The following MYLK variants were observed in gnomAD, a reference collection of about 807,000 sequenced individuals.
MYLK encodes myosin light chain kinase, smooth muscle.
Under a neutral mutation model 203.4 loss-of-function variants are expected in MYLK, and 106 were observed. The observed-to-expected ratio is 0.52, with a 90% CI of 0.45 to 0.61. The LOEUF (loss-of-function observed/expected upper bound fraction) is 0.61. Ranked by LOEUF, MYLK falls within the 20% of genes least tolerant of loss-of-function variation. The pLI is 0.00. For synonymous variants in MYLK, 867 were observed against 959.5 expected (o/e 0.90, Z 1.78); for missense variants, 2,072 against 2,442.3 (o/e 0.85, Z 3.20).
intron 2 of MYLK, among the ~76,000 whole-genome samples, chr3:123,855,279 T>A (rs1039260406): frequency 1.3e-5 from 2 of 152,300 alleles, no homozygotes; most frequent in Non-Finnish European, 2.9e-5. Context: ...TCTTTCATGT[T>A]TTTGACATCT....
chr3:123,790,486 C>CTCG (rs1271790942), intron 4 of MYLK, among the ~76,000 whole-genome samples: 1 of 152,194 alleles, frequency 6.6e-6, no homozygotes, highest in Non-Finnish European at 1.5e-5. Flanking sequence ...AGATGAGCAT[C>CTCG]TCGTCGTTTG....
chr3:123,645,213 A>G (rs2058974019), intron 27 of MYLK, among the ~76,000 whole-genome samples: 1 of 152,232 alleles, frequency 6.6e-6, no homozygotes, highest in Admixed American at 6.5e-5. Flanking sequence ...ACATTTATGG[A>G]TAATAAAACT....
intron 11 of MYLK, among the ~76,000 whole-genome samples, chr3:123,727,205 G>A (rs989870900): frequency 5.9e-5 from 9 of 152,312 alleles, no homozygotes; most frequent in African/African-American, 2.2e-4. Flanking sequence ...GGGGAGGATA[G>A]GCGATGGGAG....
intron 2 of MYLK, among the ~76,000 whole-genome samples, chr3:123,849,636 T>C (rs1164868603): frequency 3.9e-5 from 6 of 152,206 alleles, no homozygotes; most frequent in Admixed American, 1.3e-4. Flanking sequence ...GAAACTGCTA[T>C]AGCAGGCTGG....
intron 4 of MYLK, among the ~76,000 whole-genome samples, chr3:123,791,777 A>G (rs950827272): frequency 6.6e-6 from 1 of 152,250 alleles, no homozygotes; most frequent in African/African-American, 2.4e-5. Context: ...CATTTTAAGA[A>G]TACTGCAGTC....
At chr3:123,732,732 T>G (rs958327171) in intron 11 of MYLK, among the ~76,000 whole-genome samples, 164 bp downstream of exon 11, 1 of 152,200 alleles carries the variant, frequency 6.6e-6, no homozygotes, top group Non-Finnish European at 1.5e-5. Context: ...ATCACTGGCC[T>G]AGAGCAACAC....
chr3:123,761,374 T>A (rs888366180), intron 4 of MYLK, among the ~76,000 whole-genome samples: 12 of 152,292 alleles, frequency 7.9e-5, no homozygotes, highest in African/African-American at 2.6e-4. Context: ...CTGCTCCACG[T>A]TGGGTCAGAA....
In MYLK at chr3:123,666,204, C is replaced by G. The variant is rs765824071; in HGVS notation, c.3831+15G>C. On this transcript the variant is annotated intron_variant, in intron 22 of 33. Coordinates refer to ENST00000360304, the MANE Select transcript of MYLK (RefSeq NM_053025.4). ...TTCCCAGCACCCCCAGTGCCCACCC[C>G]ATACCGTCACTGACCTGCTTTCGGA... is the stretch of plus-strand genomic sequence containing the variant. 6.2e-7 allele frequency: 1 copy of G among 1,614,212 alleles called. No individual in the cohort carries two copies. Among genetic ancestry groups the G allele is most frequent in the South Asian group, 1.1e-5 (1 of 91,088 alleles).
At chr3:123,734,519 G>A (rs905614991) in intron 9 of MYLK, 34 of 335,368 alleles carry the variant, frequency 1.0e-4, no homozygotes, top group Admixed American at 6.1e-4. Flanking sequence ...CCGGTGTCCC[G>A]TGTCCACTCT....
At chr3:123,882,008 C>G (rs1409871218) in intron 1 of MYLK, among the ~76,000 whole-genome samples, 1 of 152,212 alleles carries the variant, frequency 6.6e-6, no homozygotes, top group African/African-American at 2.4e-5. Context: ...GTGGGGCCAC[C>G]TGGCCTTACC....
At position 123,737,410 on chromosome 3, in the gene MYLK, T is replaced by C; in HGVS notation, c.722A>G (p.Lys241Arg). The part of the protein sequence containing the change: ...YTCLVVNGSG[K>R]ASMSAELSIQ... ...GGAAAGTTCAGCTGACATCGAGGCC[T>C]TCCCCGACCCGTTCACCACCAGGCA... Residue 241 changes from lysine to arginine, a missense_variant, in exon 8 of 34, where the codon AAG (lysine) becomes AGG (arginine). Coordinates refer to ENST00000360304, the MANE Select transcript of MYLK (RefSeq NM_053025.4). 2 of 1,614,136 alleles carry C rather than the reference T, an allele frequency of 1.2e-6. No homozygotes were observed. The highest frequency in any genetic ancestry group is 2.2e-5 in the South Asian group (2 of 91,062).
chr3:123,686,173 A>C (rs2060447863), intron 19 of MYLK, among the ~76,000 whole-genome samples: 1 of 152,202 alleles, frequency 6.6e-6, no homozygotes, highest in Admixed American at 6.5e-5. Context: ...TCATTTTGTG[A>C]TGAAATTAAA....
intron 20 of MYLK, among the ~76,000 whole-genome samples, chr3:123,679,621 C>G (rs2060194420): frequency 6.6e-6 from 1 of 152,156 alleles, no homozygotes; most frequent in Non-Finnish European, 1.5e-5. Context: ...CTTTCAGGAG[C>G]AAGATGTCTG....
chr3:123,634,505 G>A (rs890891271), intron 29 of MYLK, among the ~76,000 whole-genome samples: 6 of 152,142 alleles, frequency 3.9e-5, no homozygotes, highest in East Asian at 1.9e-4. Context: ...GGCATCTCCC[G>A]ACCACACACC....
At chr3:123,846,496 T>A (rs945605852) in intron 2 of MYLK, among the ~76,000 whole-genome samples, 7 of 152,220 alleles carry the variant, frequency 4.6e-5, no homozygotes, top group African/African-American at 1.7e-4. Context: ...AAATTTGGAC[T>A]GTTTCCCATT....
At chr3:123,810,207 C>A (rs1476559713) in intron 3 of MYLK, among the ~76,000 whole-genome samples, 5 of 152,202 alleles carry the variant, frequency 3.3e-5, no homozygotes, top group Non-Finnish European at 7.3e-5. Flanking sequence ...GACATAAGTG[C>A]TGTAGGTGAA....
chr3:123,649,896 G>A (rs910565107), intron 24 of MYLK, among the ~76,000 whole-genome samples: 1 of 152,164 alleles, frequency 6.6e-6, no homozygotes, highest in Non-Finnish European at 1.5e-5. Flanking sequence ...TTTGAGTTGC[G>A]TCTTACAGGA....
chr3:123,815,208 T>G (rs1256048525), intron 3 of MYLK, among the ~76,000 whole-genome samples: 3 of 152,190 alleles, frequency 2.0e-5, no homozygotes, highest in African/African-American at 7.2e-5. Flanking sequence ...TCCTCTTGAT[T>G]CCTGTCAACT....
chr3:123,738,284 G>A (rs558283572), intron 7 of MYLK, among the ~76,000 whole-genome samples: 1 of 152,286 alleles, frequency 6.6e-6, no homozygotes, highest in African/African-American at 2.4e-5. Context: ...TGTCAGGCTT[G>A]TCTTGACTCA....
Sources: gnomAD v4.1 joint callset for allele counts (sites outside exome capture counted in the v4.1 genomes callset) on GRCh38, gnomAD v4.1.1 for gene constraint, MANE v1.5 for transcripts, NCBI Gene and HGNC (gene_info 2026-07-23, HGNC 2026-07-21) for gene names.